The following PLA2R1 variants were observed in gnomAD, a reference collection of about 807,000 sequenced individuals.
The protein encoded by PLA2R1 is secretory phospholipase A2 receptor.
In PLA2R1, 158 loss-of-function variants were observed where a neutral mutation model predicts 195.9. The observed-to-expected ratio is 0.81, with a 90% CI of 0.71 to 0.92. The LOEUF (loss-of-function observed/expected upper bound fraction) is 0.92, where lower values mean the gene tolerates loss of function less well. PLA2R1 is among the 40% of genes least tolerant of loss of function. The probability of loss-of-function intolerance (pLI) is 0.00; values close to 1 mark genes in which losing one functional copy is unlikely to be tolerated. For missense variants in PLA2R1, 1,626 were observed against 1,764.6 expected (o/e 0.92, Z 1.41); for synonymous variants, 586 against 598.2 (o/e 0.98, Z 0.30).
chr2:159,977,778 A>G (rs1281218021), intron 14 of PLA2R1, among the ~76,000 whole-genome samples: 1 of 152,042 alleles, frequency 6.6e-6, no homozygotes, highest in African/African-American at 2.4e-5. Context: ...TCTACTAAAA[A>G]TACAAAAACA....
At chr2:159,947,379 G>A in intron 26 of PLA2R1, 40 bp downstream of exon 26, 1 of 1,552,644 alleles carries the variant, frequency 6.4e-7, no homozygotes, top group East Asian at 2.3e-5. Flanking sequence ...TGGCAAGAAG[G>A]AGCACATGAA....
chr2:160,010,887 T>C (rs1692315529), intron 10 of PLA2R1, among the ~76,000 whole-genome samples: 1 of 152,142 alleles, frequency 6.6e-6, no homozygotes, highest in Non-Finnish European at 1.5e-5. Context: ...AGCATAAGTA[T>C]ATGTTAACTG....
chr2:159,941,565 T>C lies in PLA2R1; in HGVS notation c.*213A>G. 2 of 398,548 alleles carry C rather than the reference T, an allele frequency of 5.0e-6. No homozygotes were observed. Among genetic ancestry groups the C allele is most frequent in the Non-Finnish European group, 9.0e-6 (2 of 223,000 alleles). The allele number at this position is 398,548 out of a possible 1,614,324, so 24.7% of individuals were successfully genotyped here. A position where few individuals can be genotyped will look rare whatever the true frequency, so the allele number is the denominator to read the frequency against. ...AAATAACCAATGCATAATTTACCCC[T>C]TTTAAGAATGGATCACAGTTTAGGG... On this transcript the variant is annotated 3_prime_UTR_variant, in exon 30 of 30. Transcript: ENST00000283243.
chr2:159,995,656 C>T (rs149244561), intron 11 of PLA2R1, among the ~76,000 whole-genome samples: 145 of 152,074 alleles, frequency 9.5e-4, no homozygotes, highest in African/African-American at 3.4e-3. Flanking sequence ...TGGAAAGTCA[C>T]CAGTTTCCAT....
rs780591661 is a variant in PLA2R1, at chr2:159,969,279, C to T, written c.2741G>A (p.Cys914Tyr). 20 of 1,598,534 alleles carry T rather than the reference C, an allele frequency of 1.3e-5. No individual in the cohort carries two copies. The East Asian group carries it at 1.6e-4, about 13-fold the overall frequency. The change falls in exon 19 of 30, where the codon TGT becomes TAT. Residue 914 changes from cysteine to tyrosine, a missense_variant. Cys to Tyr is a radical substitution (Grantham distance 194). Transcript: ENST00000283243. The stretch of plus-strand genomic sequence containing the variant: ...ACCTGTTATAGAAGAAATAAAGCCA[C>T]ATCTCTGGCTCTGATTATTCACAGT... ...ERTVNNQSQRCGFISSITGLW... is the reference protein window; with the variant it reads ...ERTVNNQSQRYGFISSITGLW...
Position 159,942,616 on chromosome 2 carries a change from C to T in PLA2R1, c.4145-457G>A, listed in dbSNP as rs187410256. Among the ~76,000 whole-genome samples the T allele has an allele frequency of 1.3e-4, 20 of 152,322 alleles. 1 individual carries two copies. Among genetic ancestry groups the T allele is most frequent in the Admixed American group, 8.5e-4 (13 of 15,294 alleles). ...TGTCCAGCAATGATAATCTGCCTGA[C>T]TCTTTGTAAGGATTTTTAAATCAGC... is the stretch of plus-strand genomic sequence containing the variant. On this transcript the variant is annotated intron_variant, in intron 28 of 29. Coordinates refer to ENST00000283243, the MANE Select transcript of PLA2R1 (RefSeq NM_007366.5).
chr2:159,945,150 A>C, intron 27 of PLA2R1, 68 bp from the exon 28 acceptor site: 1 of 991,132 alleles, frequency 1.0e-6, no homozygotes, highest in Admixed American at 3.8e-5. Context: ...GACTGGAATT[A>C]ACCATAAAAA....
downstream of PLA2R1, among the ~76,000 whole-genome samples, chr2:159,927,867 G>A (rs1470115570): frequency 6.6e-6 from 1 of 152,212 alleles, no homozygotes; most frequent in African/African-American, 2.4e-5. Flanking sequence ...TAGTTCTCAT[G>A]TATTGCCACA....
At chr2:160,058,984 G>C (rs532036892) in intron 1 of PLA2R1, among the ~76,000 whole-genome samples, 19 of 152,190 alleles carry the variant, frequency 1.2e-4, no homozygotes, top group Non-Finnish European at 1.5e-4. Context: ...CCCTGAGTCT[G>C]TTTTCCTGCA....
At chr2:160,047,228 C>T (rs1027830346) in intron 1 of PLA2R1, among the ~76,000 whole-genome samples, 3 of 152,178 alleles carry the variant, frequency 2.0e-5, no homozygotes, top group Non-Finnish European at 4.4e-5. Flanking sequence ...CTCATCTTTC[C>T]TCCTTGAACT....
intron 1 of PLA2R1, among the ~76,000 whole-genome samples, chr2:160,046,401 T>A (rs961196216): frequency 6.6e-6 from 1 of 152,268 alleles, no homozygotes; most frequent in South Asian, 2.1e-4. Flanking sequence ...GGGCGGGTCA[T>A]GTAATGGAGG....
intron 24 of PLA2R1, among the ~76,000 whole-genome samples, chr2:159,951,069 T>C (rs1375628716): frequency 1.3e-5 from 2 of 152,178 alleles, no homozygotes; most frequent in East Asian, 1.9e-4. Context: ...ATCGGGGTAC[T>C]TGGAAATTTT....
intron 20 of PLA2R1, among the ~76,000 whole-genome samples, chr2:159,965,869 TG>T (rs1481137981): frequency 6.6e-6 from 1 of 152,164 alleles, no homozygotes; most frequent in African/African-American, 2.4e-5. Flanking sequence ...CACTCATTGT[TG>T]TTTTAATTTG....
intron 10 of PLA2R1, among the ~76,000 whole-genome samples, chr2:160,009,896 C>T (rs879348827): frequency 2.6e-5 from 4 of 151,976 alleles, no homozygotes; most frequent in Non-Finnish European, 5.9e-5. Flanking sequence ...TTGCTTGAGC[C>T]CAGGAGTTCA....
chr2:159,968,060 A>G (rs1445632841), intron 19 of PLA2R1, among the ~76,000 whole-genome samples: 1 of 152,198 alleles, frequency 6.6e-6, no homozygotes, highest in Non-Finnish European at 1.5e-5. Context: ...CTAAAACAGT[A>G]GATAATTTCT....
intron 17 of PLA2R1, among the ~76,000 whole-genome samples, chr2:159,973,361 C>T (rs2105257891): frequency 6.6e-6 from 1 of 151,304 alleles, no homozygotes; most frequent in African/African-American, 2.4e-5. Flanking sequence ...CCCCTTGGAC[C>T]CCACTACAGA....
intron 6 of PLA2R1, among the ~76,000 whole-genome samples, chr2:160,024,683 G>C (rs527543954): frequency 6.6e-6 from 1 of 152,296 alleles, no homozygotes; most frequent in African/African-American, 2.4e-5. Flanking sequence ...GTGCCTTGTA[G>C]GGCTTGGCTG....
At position 160,003,176 on chromosome 2, in the gene PLA2R1, G is replaced by T. The variant is rs527843663; in HGVS notation, c.1834+2476C>A. ...AAAAATTAAAATGAGCTATCTCCTA[G>T]AACATACTTTTAAAATCTCAGATCA... is the stretch of plus-strand genomic sequence containing the variant. On this transcript the variant is annotated intron_variant, in intron 11 of 29. Coordinates refer to ENST00000283243, the MANE Select transcript of PLA2R1 (RefSeq NM_007366.5). Among the ~76,000 whole-genome samples, 79 of 151,884 alleles carry T rather than the reference G, an allele frequency of 5.2e-4. 1 individual carries two copies. Among genetic ancestry groups the T allele is most frequent in the African/African-American group, 1.8e-3 (75 of 41,478 alleles).
chr2:160,026,365 G>A (rs1693523053), intron 6 of PLA2R1, among the ~76,000 whole-genome samples: 1 of 152,124 alleles, frequency 6.6e-6, no homozygotes. Flanking sequence ...ATGTGGGTAA[G>A]GTAGATATTT....
Sources: gnomAD v4.1 joint callset for allele counts (sites outside exome capture counted in the v4.1 genomes callset) on GRCh38, gnomAD v4.1.1 for gene constraint, MANE v1.5 for transcripts, NCBI Gene and HGNC (gene_info 2026-07-23, HGNC 2026-07-21) for gene names.